Variants in RSPO4 observed in about 807,000 individuals in gnomAD.
The protein encoded by RSPO4 is R-spondin-4.
Under a neutral mutation model 24.8 loss-of-function variants are expected in RSPO4, and 23 were observed. The ratio of observed to expected loss-of-function variants is 0.93; its 90% CI spans 0.67 to 1.31. The LOEUF is 1.31. Among genes scored for constraint, RSPO4 ranks in the 40% most tolerant of loss-of-function variants. The pLI, the probability that RSPO4 is intolerant of heterozygous loss-of-function variation, is 0.00. For synonymous variants in RSPO4, 141 were observed against 127.4 expected (o/e 1.11, Z -0.72); for missense variants, 333 against 316.5 (o/e 1.05, Z -0.39).
At chr20:989,935 G>A (rs1373300829) in intron 1 of RSPO4, among the ~76,000 whole-genome samples, 1 of 152,216 alleles carries the variant, frequency 6.6e-6, no homozygotes, top group African/African-American at 2.4e-5. Flanking sequence ...TGTTCACAGT[G>A]TGCCAGGACC....
intron 4 of RSPO4, among the ~76,000 whole-genome samples, chr20:960,972 G>C (rs1483458512): frequency 6.6e-6 from 1 of 152,208 alleles, no homozygotes; most frequent in Admixed American, 6.5e-5. Context: ...TTATGTATAC[G>C]AAACTCACAA....
At chr20:980,489 C>G in intron 1 of RSPO4, among the ~76,000 whole-genome samples, 1 of 152,180 alleles carries the variant, frequency 6.6e-6, no homozygotes, top group East Asian at 1.9e-4. Flanking sequence ...GTGAGCAGAT[C>G]AATAGGTGTG....
At chr20:984,952 CACCCACCCACCCATCT>C (rs1984860307) in intron 1 of RSPO4, among the ~76,000 whole-genome samples, 1 of 86,110 alleles carries the variant, frequency 1.2e-5, no homozygotes, top group African/African-American at 1.7e-4. Flanking sequence ...TCCATCCATC[CACCCACCCACCCATCT>C]ATCCATCCAC....
At chr20:982,553 G>A (rs1010758071) in intron 1 of RSPO4, among the ~76,000 whole-genome samples, 8 of 152,276 alleles carry the variant, frequency 5.3e-5, no homozygotes, top group African/African-American at 1.7e-4. Context: ...AACAGCGCCC[G>A]GCACCCAGTA....
intron 3 of RSPO4, among the ~76,000 whole-genome samples, chr20:964,466 C>T (rs1234080833): frequency 6.6e-6 from 1 of 151,938 alleles, no homozygotes; most frequent in African/African-American, 2.4e-5. Flanking sequence ...GAGCCCGGCC[C>T]ACCATGTTTG....
chr20:1,000,577 G>A (rs1985430181), intron 1 of RSPO4, among the ~76,000 whole-genome samples: 1 of 152,206 alleles, frequency 6.6e-6, no homozygotes, highest in Admixed American at 6.5e-5. Context: ...TTAGAATGGA[G>A]AAAGATCTCA....
At chr20:968,352 T>G (rs1009457511) in intron 1 of RSPO4, among the ~76,000 whole-genome samples, 1 of 152,222 alleles carries the variant, frequency 6.6e-6, no homozygotes, top group Non-Finnish European at 1.5e-5. Context: ...ATGTGACACT[T>G]CAAGAAAGCT....
At chr20:967,344 AG>A in intron 2 of RSPO4, 30 bp from the exon 3 acceptor site, 1 of 1,612,992 alleles carries the variant, frequency 6.2e-7, no homozygotes, top group Non-Finnish European at 8.5e-7. Flanking sequence ...ACCCCAGGTG[AG>A]GGAGACTGCC....
chr20:1,002,189 G>T lies in RSPO4; in HGVS notation c.-25C>A. On this transcript the variant is annotated 5_prime_UTR_variant, in exon 1 of 5. Coordinates refer to ENST00000217260, the MANE Select transcript of RSPO4 (RefSeq NM_001029871.4). This position sits in a 1 kb window ranked among gnomAD's most constrained non-coding sequence, Gnocchi z 4.6. ...TCTGGGCAGCCGGATCCGGGCTGGC[G>T]CTCCCCAGGCGGCCCGACGGCCCAA... is the stretch of plus-strand genomic sequence containing the variant. The T allele has an allele frequency of 1.3e-6, 2 of 1,505,904 alleles. No individual in the cohort carries two copies. The highest frequency in any genetic ancestry group is 2.7e-5 in the East Asian group (1 of 37,208). 93.3% of individuals were successfully genotyped at this position (1,505,904 alleles called of 1,614,324 possible). A position where few individuals can be genotyped will look rare whatever the true frequency, so the allele number is the denominator to read the frequency against.
chr20:973,880 T>C (rs965580534), intron 1 of RSPO4, among the ~76,000 whole-genome samples: 1 of 152,204 alleles, frequency 6.6e-6, no homozygotes, highest in Non-Finnish European at 1.5e-5. Context: ...TCCTCGACCC[T>C]GGCAGTTGGC....
At position 991,968 on chromosome 20, in the gene RSPO4, T is replaced by C. The variant is rs533389283; in HGVS notation, c.79+10118A>G. On this transcript the variant is annotated intron_variant, in intron 1 of 4. Coordinates refer to ENST00000217260, the MANE Select transcript of RSPO4 (RefSeq NM_001029871.4). Reference sequence around the variant, plus strand: ...ATGTGCTGTGAATTAAGGAGTCCGATTGGCTCAAATGCCTGCAGGGAGGCG... The same window carrying C: ...ATGTGCTGTGAATTAAGGAGTCCGACTGGCTCAAATGCCTGCAGGGAGGCG... Among the ~76,000 whole-genome samples the C allele has an allele frequency of 2.6e-5, 4 of 152,146 alleles. No homozygotes were observed. The South Asian group carries it at 6.2e-4, about 24-fold the overall frequency.
At chr20:996,421 A>G (rs952489857) in intron 1 of RSPO4, among the ~76,000 whole-genome samples, 2 of 151,796 alleles carry the variant, frequency 1.3e-5, no homozygotes, top group Non-Finnish European at 2.9e-5. Flanking sequence ...TAGCCAAGCA[A>G]CCTCCCCTCT....
chr20:967,592 T>C (rs551011155), intron 2 of RSPO4, among the ~76,000 whole-genome samples: 4 of 152,186 alleles, frequency 2.6e-5, no homozygotes, highest in Non-Finnish European at 5.9e-5. Flanking sequence ...CCCTGCTTCT[T>C]TTTCACCTCA....
intron 1 of RSPO4, among the ~76,000 whole-genome samples, chr20:999,285 G>A (rs1985390602): frequency 6.6e-6 from 1 of 152,092 alleles, no homozygotes; most frequent in South Asian, 2.1e-4. Context: ...AAAGTGCCAG[G>A]ATTATAGGCT....
intron 1 of RSPO4, among the ~76,000 whole-genome samples, chr20:999,804 CTTTAA>C: frequency 6.6e-6 from 1 of 152,054 alleles, no homozygotes; most frequent in Middle Eastern, 3.4e-3. Context: ...TTTCATTTTT[CTTTAA>C]TTTTTTTGTC....
intron 1 of RSPO4, among the ~76,000 whole-genome samples, chr20:973,187 C>T (rs1400646733): frequency 1.3e-5 from 2 of 152,176 alleles, no homozygotes; most frequent in Non-Finnish European, 2.9e-5. Flanking sequence ...ACGCATGGCC[C>T]CTACCCCTAT....
Position 1,002,008 on chromosome 20 carries a change from G to T in RSPO4, c.79+78C>A. 1 of 1,297,536 alleles carries T rather than the reference G, an allele frequency of 7.7e-7. No individual in the cohort carries two copies. The highest frequency in any genetic ancestry group is 1.1e-6 in the Non-Finnish European group (1 of 928,002). The allele number at this position is 1,297,536 out of a possible 1,614,324, so 80.4% of individuals were successfully genotyped here. On this transcript the variant is annotated intron_variant, in intron 1 of 4. Coordinates refer to ENST00000217260, the MANE Select transcript of RSPO4 (RefSeq NM_001029871.4). The surrounding 1 kb of genome is among the most constrained non-coding windows in gnomAD (Gnocchi z 4.6). ...CAGGCACCAGGCAGATGCCCCCAGAGCCGCCGCCCCCGGTCCTCCGGCCCC... is the reference window on the plus strand; with the variant it reads ...CAGGCACCAGGCAGATGCCCCCAGATCCGCCGCCCCCGGTCCTCCGGCCCC...
At chr20:967,912 G>T (rs770636854) in intron 2 of RSPO4, 38 bp downstream of exon 2, 18 of 1,590,890 alleles carry the variant, frequency 1.1e-5, no homozygotes, top group Admixed American at 1.7e-5. Context: ...GTGTCTAGGA[G>T]CCCAGCACTA....
intron 1 of RSPO4, among the ~76,000 whole-genome samples, chr20:991,497 A>G (rs1003770693): frequency 4.6e-5 from 7 of 152,230 alleles, no homozygotes; most frequent in African/African-American, 1.7e-4. Context: ...CAAATTGACA[A>G]GAAAAATTCA....
Sources: allele counts gnomAD v4.1 joint callset (sites outside exome capture counted in the v4.1 genomes callset), GRCh38; gene constraint gnomAD v4.1.1; non-coding constraint Gnocchi (gnomAD v3.1); transcripts MANE v1.5; gene names NCBI Gene and HGNC (gene_info 2026-07-23, HGNC 2026-07-21).